Variants in CUL3 observed in about 807,000 individuals in gnomAD.
CUL3 encodes cullin-3.
CUL3 carries 19 observed loss-of-function variants against 89.1 expected under a neutral mutation model. That is an observed-to-expected ratio of 0.21 (90% CI 0.15 to 0.31). The LOEUF (loss-of-function observed/expected upper bound fraction) is 0.31. Among genes scored for constraint, CUL3 ranks in the 10% least tolerant of loss-of-function variants. The probability of loss-of-function intolerance (pLI) is 1.00; values close to 1 mark genes in which losing one functional copy is unlikely to be tolerated. For missense variants in CUL3, 469 were observed against 942.3 expected (o/e 0.50, Z 6.58); for synonymous variants, 351 against 308.4 (o/e 1.14, Z -1.45).
At chr2:224,568,933 G>C (rs908718071) in intron 1 of CUL3, among the ~76,000 whole-genome samples, 2 of 152,026 alleles carry the variant, frequency 1.3e-5, no homozygotes, top group African/African-American at 4.8e-5. Context: ...CTTTCCACTT[G>C]CCCATCCCTG....
At chr2:224,490,808 C>T (rs1350551599) in intron 13 of CUL3, among the ~76,000 whole-genome samples, 1 of 151,852 alleles carries the variant, frequency 6.6e-6, no homozygotes, top group Non-Finnish European at 1.5e-5. Context: ...TCTGTCTATG[C>T]ATTTTAAATA....
At chr2:224,506,206 G>T in intron 7 of CUL3, 74 bp from the exon 8 acceptor site, 2 of 1,001,506 alleles carry the variant, frequency 2.0e-6, no homozygotes, top group Admixed American at 3.1e-5. Flanking sequence ...GACCATGTAT[G>T]TTTATCTTAA....
chr2:224,564,143 G>C (rs527684907), intron 1 of CUL3, among the ~76,000 whole-genome samples: 71 of 152,152 alleles, frequency 4.7e-4, no homozygotes, highest in African/African-American at 1.6e-3. Flanking sequence ...AAAATTAGAT[G>C]AGTGCAGTGG....
intron 2 of CUL3, among the ~76,000 whole-genome samples, chr2:224,552,781 A>G (rs1047290417): frequency 2.0e-5 from 3 of 152,236 alleles, no homozygotes; most frequent in Non-Finnish European, 4.4e-5. Flanking sequence ...TTTAAAATAA[A>G]TAAATATATG....
At chr2:224,563,163 C>T (rs1236265315) in intron 1 of CUL3, 6 of 443,016 alleles carry the variant, frequency 1.4e-5, no homozygotes, top group South Asian at 8.4e-5. Flanking sequence ...AAAACAAAGG[C>T]ACCTTAAGAA....
chr2:224,505,274 A>G (rs1343317459), intron 8 of CUL3, among the ~76,000 whole-genome samples: 3 of 151,546 alleles, frequency 2.0e-5, no homozygotes, highest in African/African-American at 7.3e-5. Context: ...AGTAGCTGGG[A>G]TTACAGGCAT....
rs970113661 is a variant in CUL3 at position 224,472,393 on chromosome 2, A to G, written c.*1852T>C. The stretch of plus-strand genomic sequence containing the variant: ...GCTGTCCTGTTTTCCCAGGTGTTAA[A>G]TATCATTTAACTGGGAAATGAAAGC... On this transcript the variant is annotated 3_prime_UTR_variant, in exon 16 of 16. Transcript: ENST00000264414. The G allele has an allele frequency of 1.5e-5, 3 of 206,700 alleles. No individual in the cohort carries two copies. Among genetic ancestry groups the G allele is most frequent in the Middle Eastern group, 1.6e-3 (1 of 642 alleles). 12.8% of individuals were successfully genotyped at this position (206,700 alleles called of 1,614,324 possible). A position where few individuals can be genotyped will look rare whatever the true frequency, so the allele number is the denominator to read the frequency against.
chr2:224,535,000 CAAAA>C (rs1423815674), intron 3 of CUL3, among the ~76,000 whole-genome samples: 9 of 116,984 alleles, frequency 7.7e-5, no homozygotes, highest in South Asian at 2.9e-4. Flanking sequence ...GACCCCGTCT[CAAAA>C]TAAATAAATA....
rs1694574495 is a variant in CUL3 at position 224,553,086 on chromosome 2, A to G, written c.264+4573T>C. Among the ~76,000 whole-genome samples the G allele has an allele frequency of 5.3e-5, 8 of 152,184 alleles. No individual in the cohort carries two copies. The South Asian group carries it at 1.7e-3, about 32-fold the overall frequency. On this transcript the variant is annotated intron_variant, in intron 2 of 15. Transcript: ENST00000264414. ...AGACTTACTACCTTAGGAAACAAAC[A>G]TGTCAGAGGTCCTACCTTAGGAAAC...
chr2:224,564,283 A>T (rs1001285579), intron 1 of CUL3, among the ~76,000 whole-genome samples: 2 of 152,216 alleles, frequency 1.3e-5, no homozygotes, highest in African/African-American at 4.8e-5. Flanking sequence ...ACTCTGTCTC[A>T]GAAAAGAAAA....
intron 2 of CUL3, 71 bp downstream of exon 2, chr2:224,557,588 A>C: frequency 9.4e-7 from 1 of 1,062,026 alleles, no homozygotes; most frequent in Non-Finnish European, 1.4e-6. Flanking sequence ...CTTCCGGTCA[A>C]AGTGCAATAT....
chr2:224,526,705 A>C (rs1693494800), intron 3 of CUL3, among the ~76,000 whole-genome samples: 1 of 151,866 alleles, frequency 6.6e-6, no homozygotes, highest in African/African-American at 2.4e-5. Flanking sequence ...TCCTAAACTT[A>C]ATGTCATGGA....
At chr2:224,487,789 T>C (rs1376653035) in intron 13 of CUL3, among the ~76,000 whole-genome samples, 1 of 152,162 alleles carries the variant, frequency 6.6e-6, no homozygotes, top group Non-Finnish European at 1.5e-5. Context: ...ATCAACAGAA[T>C]ATATATTCTT....
chr2:224,541,415 A>G (rs1419696244), intron 2 of CUL3, among the ~76,000 whole-genome samples: 1 of 152,234 alleles, frequency 6.6e-6, no homozygotes, highest in South Asian at 2.1e-4. Context: ...CAGAATGGCT[A>G]AAACAAAAGA....
At chr2:224,489,884 A>G (rs1437630011) in intron 13 of CUL3, among the ~76,000 whole-genome samples, 2 of 152,240 alleles carry the variant, frequency 1.3e-5, no homozygotes, top group Non-Finnish European at 2.9e-5. Flanking sequence ...GAGCTTCTGC[A>G]CAGCAAGGAA....
chr2:224,559,851 G>A (rs1275187288), intron 1 of CUL3, among the ~76,000 whole-genome samples: 1 of 152,178 alleles, frequency 6.6e-6, no homozygotes, highest in African/African-American at 2.4e-5. Context: ...GAAAGTCAAA[G>A]CGGGAGGATC....
intron 2 of CUL3, among the ~76,000 whole-genome samples, chr2:224,539,794 T>C (rs1574672410): frequency 6.7e-6 from 1 of 150,300 alleles, no homozygotes; most frequent in Non-Finnish European, 1.5e-5. Context: ...GGTATGTAAG[T>C]AGGCAGAGCA....
intron 1 of CUL3, among the ~76,000 whole-genome samples, chr2:224,580,694 A>T (rs1695415914): frequency 6.6e-6 from 1 of 152,180 alleles, no homozygotes; most frequent in Non-Finnish European, 1.5e-5. Flanking sequence ...AAAAAAGAAA[A>T]AAAAAATGCA....
At chr2:224,529,819 T>C (rs1177327386) in intron 3 of CUL3, among the ~76,000 whole-genome samples, 2 of 152,288 alleles carry the variant, frequency 1.3e-5, no homozygotes, top group East Asian at 1.9e-4. Flanking sequence ...AACAAAGTTA[T>C]GTGGGACAAA....
Sources: gnomAD v4.1 joint callset for allele counts (sites outside exome capture counted in the v4.1 genomes callset) on GRCh38, gnomAD v4.1.1 for gene constraint, MANE v1.5 for transcripts, NCBI Gene and HGNC (gene_info 2026-07-23, HGNC 2026-07-21) for gene names.